The following ZSCAN2 variants were observed in gnomAD, a reference collection of about 807,000 sequenced individuals.
ZSCAN2 encodes zinc finger and SCAN domain containing 2, also known as zinc finger and SCAN domain-containing protein 2.
ZSCAN2 carries 26 observed loss-of-function variants against 47.8 expected under a neutral mutation model. The ratio of observed to expected loss-of-function variants is 0.54; its 90% confidence interval spans 0.40 to 0.75. The LOEUF is 0.75. ZSCAN2 is among the 30% of genes least tolerant of loss of function. ZSCAN2 has a pLI of 0.00. For synonymous variants in ZSCAN2, 305 were observed against 288.7 expected (o/e 1.06, Z -0.57); for missense variants, 732 against 785.4 (o/e 0.93, Z 0.81).
At chr15:84,619,706 TCATTA>T (rs1382931673) in intron 2 of ZSCAN2, among the ~76,000 whole-genome samples, 8 of 152,180 alleles carry the variant, frequency 5.3e-5, no homozygotes, top group Non-Finnish European at 8.8e-5. Flanking sequence ...ATTCATGCAC[TCATTA>T]CATTGAATCA....
chr15:84,603,255 T>C (rs1895265783), intron 1 of ZSCAN2, among the ~76,000 whole-genome samples: 1 of 152,170 alleles, frequency 6.6e-6, no homozygotes, highest in Non-Finnish European at 1.5e-5. Context: ...GAAACTGACT[T>C]AGGAGAGTCC....
At chr15:84,619,925 TGG>T (rs747039015) in intron 2 of ZSCAN2, among the ~76,000 whole-genome samples, 4 of 140,606 alleles carry the variant, frequency 2.8e-5, no homozygotes, top group Admixed American at 7.2e-5. Flanking sequence ...AAGCCTGGGT[TGG>T]TTTTTTTTTT....
chr15:84,621,762 A>T lies in ZSCAN2; in HGVS notation c.1567A>T (p.Thr523Ser), dbSNP rs1309044740. 1.2e-6 allele frequency: 2 copies of T among 1,614,096 alleles called. No homozygotes were observed. Among genetic ancestry groups the T allele is most frequent in the East Asian group, 2.2e-5 (1 of 44,894 alleles). Reference sequence around the variant, plus strand: ...CTCCCAGCTCGTAGTGCACCAGCGGACCCACACGGGCGAGAAGCCCTACAA... The same window carrying T: ...CTCCCAGCTCGTAGTGCACCAGCGGTCCCACACGGGCGAGAAGCCCTACAA... Reference protein sequence around the residue: ...QRSQLVVHQRTHTGEKPYKCL... With the variant: ...QRSQLVVHQRSHTGEKPYKCL... The change falls in exon 3 of 3, where the codon ACC becomes TCC. Residue 523 changes from threonine (T) to serine (S), a missense_variant. Thr to Ser is a moderately conservative substitution (Grantham distance 58). Transcript: ENST00000546148. The surrounding 1 kb of genome is among the most constrained non-coding windows in gnomAD (Gnocchi z 5.7).
intron 2 of ZSCAN2, among the ~76,000 whole-genome samples, chr15:84,619,042 A>G (rs139530023): frequency 1.2e-3 from 179 of 152,316 alleles, no homozygotes; most frequent in African/African-American, 1.9e-3. Context: ...GGAAGGGGCT[A>G]TGTTCTTCTA....
chr15:84,616,733 G>A, intron 2 of ZSCAN2: 1 of 990,696 alleles, frequency 1.0e-6, no homozygotes, highest in Non-Finnish European at 1.2e-6. Context: ...AATGTTTTTG[G>A]TCATGTTAGT....
At position 84,620,789 on chromosome 15, in the gene ZSCAN2, G is replaced by C; in HGVS notation, c.594G>C (p.Glu198Asp). Reference protein sequence around the residue: ...QGHSPGEDHGEVVSQDREVGQ... With the variant: ...QGHSPGEDHGDVVSQDREVGQ... ...ACAGCCCAGGTGAGGACCACGGGGA[G>C]GTGGTTTCTCAGGACAGGGAAGTTG... The change falls in exon 3 of 3, where the codon GAG becomes GAC. Residue 198 changes from glutamate to aspartate, a missense_variant. Coordinates refer to ENST00000546148, the MANE Select transcript of ZSCAN2 (RefSeq NM_181877.4). 6.2e-7 allele frequency: 1 copy of C among 1,614,240 alleles called. No homozygotes were observed. The highest frequency in any genetic ancestry group is 8.5e-7 in the Non-Finnish European group (1 of 1,180,042).
chr15:84,613,323 TTTTG>T (rs1895606048), intron 2 of ZSCAN2, among the ~76,000 whole-genome samples: 1 of 152,206 alleles, frequency 6.6e-6, no homozygotes, highest in African/African-American at 2.4e-5. Context: ...TTCATAATGT[TTTTG>T]TTTTTGTTTT....
In ZSCAN2 at chr15:84,622,671, A is replaced by G. The variant is rs761199202; in HGVS notation, c.*631A>G. On this transcript the variant is annotated 3_prime_UTR_variant, in exon 3 of 3. Transcript: ENST00000546148. ...AAAGTGTCAGGAGCACAGAAACTTG[A>G]GGAAGTACAGCCTGGAGCCAGTGTC... 1 of 717,462 alleles carries G rather than the reference A, an allele frequency of 1.4e-6. No individual in the cohort carries two copies. The allele number at this position is 717,462 out of a possible 1,614,324, so 44.4% of individuals were successfully genotyped here. A position where few individuals can be genotyped will look rare whatever the true frequency, so the allele number is the denominator to read the frequency against.
At chr15:84,617,400 C>CA (rs1174912356) in intron 2 of ZSCAN2, among the ~76,000 whole-genome samples, 1 of 152,060 alleles carries the variant, frequency 6.6e-6, no homozygotes, top group Admixed American at 6.5e-5. Flanking sequence ...CGCGCCACTG[C>CA]ACTCCAGCCT....
intron 2 of ZSCAN2, among the ~76,000 whole-genome samples, chr15:84,609,233 A>T (rs746439671): frequency 6.7e-6 from 1 of 150,040 alleles, no homozygotes; most frequent in Non-Finnish European, 1.5e-5. Flanking sequence ...CTTAGCTTCA[A>T]AACAAAATTA....
In ZSCAN2 at chr15:84,620,952, G is replaced by A. The variant is rs1175301258; in HGVS notation, c.757G>A (p.Asp253Asn). The A allele has an allele frequency of 6.2e-7, 1 of 1,612,416 alleles. No individual in the cohort carries two copies. The highest frequency in any genetic ancestry group is 8.5e-7 in the Non-Finnish European group (1 of 1,179,548). The change falls in exon 3 of 3, where the codon GAT becomes AAT. Residue 253 changes from aspartate (D) to asparagine (N), a missense_variant. Physicochemically the swap from Asp to Asn is conservative, Grantham distance 23 (BLOSUM62 1). Around this residue, in one of 2 missense-constraint regions of ZSCAN2, gnomAD observed 412 missense variants for 498.0 expected, o/e 0.83. Transcript: ENST00000546148. ...CACAGGAGAGAAATACTACAAATGT[G>A]ATGAATGTGGAAAAAGCTTTAGTGA... ...THTGEKYYKC[D>N]ECGKSFSDGS...
chr15:84,607,762 G>A (rs918637294), intron 2 of ZSCAN2, among the ~76,000 whole-genome samples: 3 of 152,144 alleles, frequency 2.0e-5, no homozygotes, highest in Admixed American at 1.3e-4. Context: ...ACCCACCTTG[G>A]CTTCCCAAAG....
intron 2 of ZSCAN2, chr15:84,616,757 A>C: frequency 1.1e-6 from 1 of 915,450 alleles, no homozygotes; most frequent in East Asian, 1.2e-4. Flanking sequence ...CTAAAAATTA[A>C]TCAGGGTCTT....
rs1227144958 is a variant in ZSCAN2 at position 84,620,942 on chromosome 15, C to T, written c.747C>T (p.Tyr249=). Residue 249 remains tyrosine (Y), a synonymous_variant, in exon 3 of 3, where the codon TAC becomes TAT. Transcript: ENST00000546148. The part of the protein sequence containing the change: ...THERTHTGEK[Y]YKCDECGKSF... ...AGAGGACCCACACAGGAGAGAAATA[C>T]TACAAATGTGATGAATGTGGAAAAA... is the stretch of plus-strand genomic sequence containing the variant. The T allele has an allele frequency of 6.2e-7, 1 of 1,614,108 alleles. No homozygotes were observed. The highest frequency in any genetic ancestry group is 1.1e-5 in the South Asian group (1 of 91,074).
At chr15:84,610,488 C>CTTTTTTTTTTTT (rs71132689) in intron 2 of ZSCAN2, among the ~76,000 whole-genome samples, 1 of 86,938 alleles carries the variant, frequency 1.2e-5, no homozygotes, top group Non-Finnish European at 2.1e-5. Flanking sequence ...TTCTTTCTTT[C>CTTTTTTTTTTTT]TTTTTTTTTT....
intron 1 of ZSCAN2, among the ~76,000 whole-genome samples, chr15:84,602,525 T>G (rs967455341): frequency 6.6e-5 from 10 of 152,072 alleles, no homozygotes; most frequent in Non-Finnish European, 1.2e-4. Context: ...TTTCCTGTCA[T>G]TACCACCTAA....
intron 2 of ZSCAN2, chr15:84,616,459 C>G (rs1895697052): frequency 1.3e-6 from 2 of 1,534,624 alleles, no homozygotes; most frequent in African/African-American, 1.4e-5. Flanking sequence ...GTTCTGTTCC[C>G]TCCCACCCCA....
intron 2 of ZSCAN2, chr15:84,614,634 C>CA (rs1555417039): frequency 1.3e-5 from 2 of 150,252 alleles, no homozygotes; most frequent in Non-Finnish European, 3.0e-5. Flanking sequence ...ATAGAGAAAT[C>CA]TTTTTTTTTT....
At chr15:84,616,572 C>G in intron 2 of ZSCAN2, 1 of 1,264,158 alleles carries the variant, frequency 7.9e-7, no homozygotes, top group African/African-American at 1.5e-5. Context: ...CATATTTTAT[C>G]TTCTGATCTC....
Sources: allele counts gnomAD v4.1 joint callset (sites outside exome capture counted in the v4.1 genomes callset), GRCh38; gene constraint gnomAD v4.1.1; regional missense constraint gnomAD v4.1.1; non-coding constraint Gnocchi (gnomAD v3.1); transcripts MANE v1.5; gene names NCBI Gene and HGNC (gene_info 2026-07-23, HGNC 2026-07-21).